The following TMTC2 variants were observed in gnomAD, a reference collection of about 807,000 sequenced individuals.
The protein encoded by TMTC2 is transmembrane O-mannosyltransferase targeting cadherins 2, also known as protein O-mannosyl-transferase TMTC2.
A neutral mutation model predicts 82.4 loss-of-function variants in TMTC2; 43 were observed. The observed-to-expected ratio is 0.52, with a 90% CI of 0.41 to 0.67. TMTC2 has a LOEUF of 0.67. Ranked by LOEUF, TMTC2 falls within the 30% of genes least tolerant of loss-of-function variation. The pLI, the probability that TMTC2 is intolerant of heterozygous loss-of-function variation, is 0.00. For missense variants in TMTC2, 919 were observed against 1,012.4 expected (o/e 0.91, Z 1.25); for synonymous variants, 408 against 381.9 (o/e 1.07, Z -0.80).
intron 1 of TMTC2, among the ~76,000 whole-genome samples, chr12:82,775,842 T>G (rs552999566): frequency 9.2e-5 from 14 of 152,180 alleles, no homozygotes; most frequent in South Asian, 4.1e-4. Flanking sequence ...TCTGCTCAGT[T>G]TCCTTTTATG....
chr12:82,690,031 T>C (rs1442889845), intron 1 of TMTC2, among the ~76,000 whole-genome samples: 1 of 152,200 alleles, frequency 6.6e-6, no homozygotes, highest in Non-Finnish European at 1.5e-5. Context: ...TCCTAGAAAT[T>C]ATGAGACACA....
intron 3 of TMTC2, among the ~76,000 whole-genome samples, chr12:82,924,102 C>T (rs922300952): frequency 1.3e-5 from 2 of 152,144 alleles, no homozygotes; most frequent in South Asian, 2.1e-4. Context: ...ATAATGAAAT[C>T]CTCTGTCAAT....
chr12:82,728,672 G>A (rs918392569), intron 1 of TMTC2, among the ~76,000 whole-genome samples: 2 of 152,244 alleles, frequency 1.3e-5, no homozygotes, highest in Non-Finnish European at 2.9e-5. Flanking sequence ...CTCTGGTCAC[G>A]CTTGAGGAGC....
At chr12:82,975,384 A>G (rs555036581) in intron 7 of TMTC2, among the ~76,000 whole-genome samples, 49 of 152,322 alleles carry the variant, frequency 3.2e-4, no homozygotes, top group South Asian at 1.9e-3. Flanking sequence ...AGCCATCACC[A>G]TATTCACTTG....
At chr12:83,059,890 T>C (rs1395050545) in intron 10 of TMTC2, among the ~76,000 whole-genome samples, 2 of 151,762 alleles carry the variant, frequency 1.3e-5, no homozygotes, top group African/African-American at 4.8e-5. Flanking sequence ...TCAAAGTAAC[T>C]GACTTCTTTG....
In TMTC2 at chr12:82,857,011, CG is replaced by C; in HGVS notation, c.86del (p.Arg29LeufsTer28). ...TTTTTTTAACGTTTTGTTTTTTAGCCGTGCTATCAAGACTAATCAGGACCTT... is the reference window on the plus strand; with the variant it reads ...TTTTTTTAACGTTTTGTTTTTTAGCCTGCTATCAAGACTAATCAGGACCTT... ...LSADFCYDDS[R>X]AIKTNQDLLP... On this transcript the variant is annotated frameshift_variant and splice_region_variant, in exon 2 of 12. Coordinates refer to ENST00000321196, the MANE Select transcript of TMTC2 (RefSeq NM_152588.3). LOFTEE classifies it high-confidence loss of function. 2 of 1,587,178 alleles carry C rather than the reference CG, an allele frequency of 1.3e-6. No homozygotes were observed. Among genetic ancestry groups the C allele is most frequent in the Non-Finnish European group, 1.7e-6 (2 of 1,168,302 alleles).
chr12:83,090,226 A>G (rs1446921595), intron 11 of TMTC2, among the ~76,000 whole-genome samples: 1 of 152,218 alleles, frequency 6.6e-6, no homozygotes, highest in Non-Finnish European at 1.5e-5. Flanking sequence ...TTGTGTCTTG[A>G]AGACATTACA....
intron 2 of TMTC2, among the ~76,000 whole-genome samples, chr12:82,868,841 TTTG>T (rs368125244): frequency 7.9e-5 from 12 of 151,872 alleles, no homozygotes; most frequent in African/African-American, 9.7e-5. Flanking sequence ...TGAGTCTGGC[TTTG>T]TTGTTGTTGT....
chr12:82,698,089 T>C (rs996427863), intron 1 of TMTC2, among the ~76,000 whole-genome samples: 6 of 152,208 alleles, frequency 3.9e-5, no homozygotes, highest in Non-Finnish European at 8.8e-5. Context: ...ACTTAAACCT[T>C]AGCTTTAAGG....
At chr12:83,027,049 A>C (rs1006045059) in intron 8 of TMTC2, among the ~76,000 whole-genome samples, 12 of 151,962 alleles carry the variant, frequency 7.9e-5, no homozygotes, top group African/African-American at 2.9e-4. Flanking sequence ...TTTGTTCATG[A>C]GTTTAATAAA....
At chr12:82,774,001 T>C (rs1565744471) in intron 1 of TMTC2, among the ~76,000 whole-genome samples, 1 of 152,136 alleles carries the variant, frequency 6.6e-6, no homozygotes, top group Non-Finnish European at 1.5e-5. Flanking sequence ...AGAATTGATA[T>C]TGCCCTGCCA....
intron 11 of TMTC2, among the ~76,000 whole-genome samples, chr12:83,122,074 C>G (rs61929902): frequency 6.6e-6 from 1 of 151,664 alleles, no homozygotes; most frequent in East Asian, 1.9e-4. Flanking sequence ...CCATGCTACC[C>G]GCTTCCCAGC....
At chr12:82,907,666 T>A (rs375454139) in intron 3 of TMTC2, among the ~76,000 whole-genome samples, 81 of 152,216 alleles carry the variant, frequency 5.3e-4, no homozygotes, top group Middle Eastern at 6.8e-3. Context: ...AACAAAACTT[T>A]TAGAATCTTT....
intron 3 of TMTC2, among the ~76,000 whole-genome samples, chr12:82,916,090 A>T (rs571706830): frequency 6.6e-6 from 1 of 152,324 alleles, no homozygotes; most frequent in East Asian, 1.9e-4. Flanking sequence ...GGATGACTGC[A>T]TGGGCTATGC....
At chr12:82,715,506 C>T (rs1288655165) in intron 1 of TMTC2, among the ~76,000 whole-genome samples, 3 of 152,086 alleles carry the variant, frequency 2.0e-5, no homozygotes, top group Non-Finnish European at 4.4e-5. Flanking sequence ...CTGTTGGCCA[C>T]GCAGAGCACA....
intron 8 of TMTC2, among the ~76,000 whole-genome samples, chr12:83,003,091 G>A (rs2137371138): frequency 6.6e-6 from 1 of 152,236 alleles, no homozygotes; most frequent in African/African-American, 2.4e-5. Context: ...TTATAAATCT[G>A]TGTGCTCTAA....
chr12:82,855,936 T>TG (rs2137113725), intron 1 of TMTC2, among the ~76,000 whole-genome samples: 1 of 152,322 alleles, frequency 6.6e-6, no homozygotes, highest in African/African-American at 2.4e-5. Flanking sequence ...CAGTAGTAGA[T>TG]GGATCATATT....
At chr12:83,052,859 G>A (rs921338611) in intron 10 of TMTC2, among the ~76,000 whole-genome samples, 15 of 152,104 alleles carry the variant, frequency 9.9e-5, no homozygotes, top group Middle Eastern at 3.2e-3. Flanking sequence ...CCTCCTCTCC[G>A]GCTTTCTCTG....
At chr12:82,824,905 A>G (rs1248051513) in intron 1 of TMTC2, among the ~76,000 whole-genome samples, 2 of 152,154 alleles carry the variant, frequency 1.3e-5, no homozygotes, top group Non-Finnish European at 2.9e-5. Flanking sequence ...CTTGGCCAAC[A>G]TGGTGAAACC....
Sources: gnomAD v4.1 joint callset for allele counts (sites outside exome capture counted in the v4.1 genomes callset) on GRCh38, gnomAD v4.1.1 for gene constraint, MANE v1.5 for transcripts, NCBI Gene and HGNC (gene_info 2026-07-23, HGNC 2026-07-21) for gene names.